ARHGEF11: variants seen among roughly 807,000 people sequenced by gnomAD.
The protein encoded by ARHGEF11 is Rho guanine exchange factor (GEF) 11.
A neutral mutation model predicts 193.7 loss-of-function variants in ARHGEF11; 55 were observed. The ratio of observed to expected loss-of-function variants is 0.28; its 90% CI spans 0.23 to 0.36. ARHGEF11 has a LOEUF of 0.36. Ranked by LOEUF, ARHGEF11 falls within the 10% of genes least tolerant of loss-of-function variation. The pLI, the probability that ARHGEF11 is intolerant of heterozygous loss-of-function variation, is 1.00. For missense variants in ARHGEF11, 1,723 were observed against 2,005.6 expected, an observed-to-expected ratio of 0.86 and a Z score of 2.69; for synonymous variants, 693 against 768.0, an observed-to-expected ratio of 0.90 and a Z score of 1.62.
chr1:156,967,928 T>C, intron 11 of ARHGEF11, 59 bp downstream of exon 11: 10 of 1,611,256 alleles, frequency 6.2e-6, no homozygotes, highest in Non-Finnish European at 5.9e-6. Flanking sequence ...GTAACACCCA[T>C]GCCTCCAAAT....
intron 1 of ARHGEF11, among the ~76,000 whole-genome samples, chr1:157,016,067 G>A (rs1313818460): frequency 1.3e-5 from 2 of 152,036 alleles, no homozygotes; most frequent in African/African-American, 2.4e-5. Context: ...TAGGAAAAAC[G>A]CTTGCCAGGA....
chr1:157,031,531 G>C (rs999833309), intron 1 of ARHGEF11, among the ~76,000 whole-genome samples: 11 of 152,160 alleles, frequency 7.2e-5, no homozygotes, highest in African/African-American at 2.7e-4. Context: ...ACTATCCTCG[G>C]ACCCACATCT....
At position 157,016,955 on chromosome 1, in the gene ARHGEF11, C is replaced by T. The variant is rs115783955; in HGVS notation, c.32+27344G>A. Among the ~76,000 whole-genome samples the T allele has an allele frequency of 9.7e-3, 1,475 of 152,178 alleles. 10 individuals carry two copies. Among genetic ancestry groups the T allele is most frequent in the Non-Finnish European group, 0.014 (927 of 67,996 alleles). On this transcript the variant is annotated intron_variant, in intron 1 of 40. Transcript: ENST00000368194. ...GCCCCCAAGTAGCTGGGACTACAGG[C>T]ACACCCCACGACATCCAGACTAGTG...
intron 1 of ARHGEF11, among the ~76,000 whole-genome samples, chr1:157,026,312 C>G (rs921701960): frequency 2.6e-5 from 4 of 152,212 alleles, no homozygotes; most frequent in Admixed American, 1.3e-4. Context: ...TTATTAAGCA[C>G]TATTTCTCAG....
At position 156,937,261 on chromosome 1, in the gene ARHGEF11, G is replaced by A. The variant is rs1394173752; in HGVS notation, c.4428C>T (p.Leu1476=). The change falls in exon 39 of 41, where the codon CTC becomes CTT. Residue 1476 remains leucine (L), a synonymous_variant. Coordinates refer to ENST00000368194, the MANE Select transcript of ARHGEF11 (RefSeq NM_198236.3). ...CTGCTTCCCTCACCTTGAGCCTGTTGAGCTTGAGAGTGAGCTGCTCAATGG... is the reference window on the plus strand; with the variant it reads ...CTGCTTCCCTCACCTTGAGCCTGTTAAGCTTGAGAGTGAGCTGCTCAATGG... ...FHTIEQLTLK[L]NRLKDMELAH... 5 of 1,613,956 alleles carry A rather than the reference G, an allele frequency of 3.1e-6. No homozygotes were observed. Among genetic ancestry groups the A allele is most frequent in the Non-Finnish European group, 2.5e-6 (3 of 1,179,930 alleles).
chr1:157,027,472 T>C (rs1163536746), intron 1 of ARHGEF11, among the ~76,000 whole-genome samples: 1 of 152,014 alleles, frequency 6.6e-6, no homozygotes, highest in African/African-American at 2.4e-5. Flanking sequence ...GGATGTCATA[T>C]AAAAATCAAA....
At chr1:157,019,071 T>C (rs563172672) in intron 1 of ARHGEF11, among the ~76,000 whole-genome samples, 3 of 152,266 alleles carry the variant, frequency 2.0e-5, no homozygotes, top group East Asian at 1.9e-4. Context: ...GGCTATGAAA[T>C]TGGCAAAGAT....
intron 1 of ARHGEF11, among the ~76,000 whole-genome samples, chr1:156,986,791 T>C (rs916198183): frequency 6.6e-6 from 1 of 152,168 alleles, no homozygotes; most frequent in African/African-American, 2.4e-5. Context: ...GGCATGAGTA[T>C]AAGCCCGCTG....
At chr1:157,014,268 C>T (rs1052800609) in intron 1 of ARHGEF11, among the ~76,000 whole-genome samples, 1 of 152,218 alleles carries the variant, frequency 6.6e-6, no homozygotes, top group African/African-American at 2.4e-5. Context: ...CCTCTACCTA[C>T]AAGCTCCTCA....
chr1:156,936,032 T>A lies in ARHGEF11; in HGVS notation c.4657A>T (p.Thr1553Ser), dbSNP rs1404086835. 5 of 1,613,842 alleles carry A rather than the reference T, an allele frequency of 3.1e-6. No individual in the cohort carries two copies. The East Asian group carries it at 1.1e-4, about 36-fold the overall frequency. The change falls in exon 41 of 41, where the codon ACA (threonine) becomes TCA (serine). Residue 1553 changes from threonine (T) to serine (S), a missense_variant. Around this residue, in one of 5 missense-constraint regions of ARHGEF11, gnomAD observed 360 missense variants for 344.4 expected, o/e 1.05. Transcript: ENST00000368194. Reference protein sequence around the residue: ...DGSDAPLEDSTADAAASPGP With the variant: ...DGSDAPLEDSSADAAASPGP Reference sequence around the variant, plus strand: ...CCTGGTGACGCGGCTGCGTCTGCTGTGCTGTCTTCCAGGGGGGCGTCAGAG... The same window carrying A: ...CCTGGTGACGCGGCTGCGTCTGCTGAGCTGTCTTCCAGGGGGGCGTCAGAG...
At chr1:157,046,357 G>GC (rs1558007805), upstream of ARHGEF11, among the ~76,000 whole-genome samples, 1 of 152,068 alleles carries the variant, frequency 6.6e-6, no homozygotes, top group Non-Finnish European at 1.5e-5. Flanking sequence ...CAGCCACCGT[G>GC]CCCGCGCCCC....
At position 157,014,545 on chromosome 1, in the gene ARHGEF11, T is replaced by C. The variant is rs1347424495; in HGVS notation, c.33-28372A>G. ...CTCTCTTAAAGGAAAAAATATTTCCTTGACCCAACAATCCCCTCTAGCTAT... is the reference window on the plus strand; with the variant it reads ...CTCTCTTAAAGGAAAAAATATTTCCCTGACCCAACAATCCCCTCTAGCTAT... On this transcript the variant is annotated intron_variant, in intron 1 of 40. Coordinates refer to ENST00000368194, the MANE Select transcript of ARHGEF11 (RefSeq NM_198236.3). 1.5e-4 allele frequency among the ~76,000 whole-genome samples: 23 copies of C among 152,316 alleles called. No homozygotes were observed. The East Asian group carries it at 2.7e-3, about 18-fold the overall frequency.
chr1:156,948,559 T>G lies in ARHGEF11; in HGVS notation c.1926-61A>C, dbSNP rs780975115. 1.3e-5 allele frequency: 21 copies of G among 1,613,546 alleles called. No homozygotes were observed. The highest frequency in any genetic ancestry group is 1.8e-5 in the Non-Finnish European group (21 of 1,179,978). On this transcript the variant is annotated intron_variant, in intron 22 of 40. Coordinates refer to ENST00000368194, the MANE Select transcript of ARHGEF11 (RefSeq NM_198236.3). The surrounding 1 kb of genome is among the most constrained non-coding windows in gnomAD (Gnocchi z 4.2). ...AAGTCAGTGGGCCATGCTTACATCC[T>G]GGCTAACTCTTACCTGTGGCTCCAT...
In ARHGEF11 at chr1:156,936,354, C is replaced by T. The variant is rs373061762; in HGVS notation, c.4631-296G>A. ...CATTTAATCAGCACGAGTCTTAGGC[C>T]GACACCATGGTGTGCACCTGCAATC... On this transcript the variant is annotated intron_variant, in intron 40 of 40. Transcript: ENST00000368194. The T allele has an allele frequency of 3.7e-4, 181 of 494,850 alleles. 1 individual carries two copies. The highest frequency in any genetic ancestry group is 3.0e-3 in the South Asian group (176 of 58,148). The allele number at this position is 494,850 out of a possible 1,614,324, so 30.7% of individuals were successfully genotyped here.
At chr1:157,014,200 C>A in intron 1 of ARHGEF11, among the ~76,000 whole-genome samples, 1 of 152,136 alleles carries the variant, frequency 6.6e-6, no homozygotes, top group African/African-American at 2.4e-5. Flanking sequence ...GATTGTATTG[C>A]CTCTTACCAC....
At chr1:157,020,764 T>C (rs1669874847) in intron 1 of ARHGEF11, among the ~76,000 whole-genome samples, 2 of 152,236 alleles carry the variant, frequency 1.3e-5, no homozygotes, top group African/African-American at 4.8e-5. Context: ...AACATTAAAA[T>C]GAATGGTCAT....
At position 156,943,959 on chromosome 1, in the gene ARHGEF11, C is replaced by G. The variant is rs370713584; in HGVS notation, c.3211G>C (p.Val1071Leu). Residue 1071 changes from valine to leucine, a missense_variant, in exon 32 of 41, where the codon GTG becomes CTG. Physicochemically the swap from Val to Leu is conservative, Grantham distance 32. Transcript: ENST00000368194. ...CCTGTGGCCACAGAGCGGATGAGCA[C>G]AGCATTGAGCTTGAGCACGGGGCTG... is the stretch of plus-strand genomic sequence containing the variant. Reference protein sequence around the residue: ...TFSPVLKLNAVLIRSVATDKR... With the variant: ...TFSPVLKLNALLIRSVATDKR... The G allele has an allele frequency of 1.2e-6, 2 of 1,613,894 alleles. No homozygotes were observed. The highest frequency in any genetic ancestry group is 2.7e-5 in the African/African-American group (2 of 75,054).
At position 156,989,892 on chromosome 1, in the gene ARHGEF11, AATTGTAG is replaced by A. The variant is rs373197370; in HGVS notation, c.33-3726_33-3720del. Among the ~76,000 whole-genome samples, 92 of 152,322 alleles carry A rather than the reference AATTGTAG, an allele frequency of 6.0e-4. 1 individual carries two copies. Among genetic ancestry groups the A allele is most frequent in the African/African-American group, 2.2e-3 (91 of 41,570 alleles). On this transcript the variant is annotated intron_variant, in intron 1 of 40. Transcript: ENST00000368194. ...GTTTATACATTTTTTCTCACTTGAA[AATTGTAG>A]ACATCATGACACTTTACCCCTATTT... is the stretch of plus-strand genomic sequence containing the variant.
In ARHGEF11 at chr1:156,984,345, G is replaced by C; in HGVS notation, c.217C>G (p.Arg73Gly). The change falls in exon 3 of 41, where the codon CGG (arginine) becomes GGG (glycine). Residue 73 changes from arginine (R) to glycine (G), a missense_variant. This residue lies in a region of ARHGEF11 where 646 missense variants were observed against 710.7 expected (regional missense o/e 0.91). Transcript: ENST00000368194. ...GDRIVLVQSV[R>G]PGGAAMKAGV... ...GGAGGGATGCAGCACTCACCAGGCC[G>C]CACAGACTGCACCAGAACAATGCGA... 1 of 1,585,196 alleles carries C rather than the reference G, an allele frequency of 6.3e-7. No individual in the cohort carries two copies. Among genetic ancestry groups the C allele is most frequent in the Non-Finnish European group, 8.6e-7 (1 of 1,165,110 alleles).
Sources: gnomAD v4.1 joint callset for allele counts (sites outside exome capture counted in the v4.1 genomes callset) on GRCh38, gnomAD v4.1.1 for gene constraint, gnomAD v4.1.1 regional missense constraint, Gnocchi (gnomAD v3.1) non-coding constraint, MANE v1.5 for transcripts, NCBI Gene and HGNC (gene_info 2026-07-23, HGNC 2026-07-21) for gene names.